The following SV2B variants were observed in gnomAD, a reference collection of about 807,000 sequenced individuals.
The protein encoded by SV2B is synaptic vesicle glycoprotein 2B.
In SV2B, 41 loss-of-function variants were observed where a neutral mutation model predicts 73.9. That is an observed-to-expected ratio of 0.56 (90% CI 0.43 to 0.72). The LOEUF is 0.72. Ranked by LOEUF, SV2B falls within the 30% of genes least tolerant of loss-of-function variation. The pLI is 0.00. For missense variants in SV2B, 764 were observed against 857.8 expected (o/e 0.89, Z 1.37); for synonymous variants, 314 against 314.2 (o/e 1.00, Z 0.01).
intron 9 of SV2B, among the ~76,000 whole-genome samples, chr15:91,278,052 C>T (rs193180193): frequency 3.9e-5 from 6 of 152,278 alleles, no homozygotes; most frequent in East Asian, 1.9e-4. Context: ...ATTTGGTTGA[C>T]GTTGGCACCA....
Position 91,241,785 on chromosome 15 carries a change from G to A in SV2B, c.452-10034G>A, listed in dbSNP as rs953261780. On this transcript the variant is annotated intron_variant, in intron 2 of 12. Transcript: ENST00000394232. The surrounding 1 kb of genome is among the most constrained non-coding windows in gnomAD (Gnocchi z 4.8). ...TTGTAATCCTTTTTCTCATCATTTT[G>A]TAACTCCTCCTCATCAATATTTATC... 1.8e-4 allele frequency among the ~76,000 whole-genome samples: 27 copies of A among 151,910 alleles called. 1 individual carries two copies. The highest frequency in any genetic ancestry group is 1.8e-3 in the Admixed American group (27 of 15,258).
intron 1 of SV2B, among the ~76,000 whole-genome samples, chr15:91,104,857 C>G (rs545565557): frequency 6.6e-6 from 1 of 152,308 alleles, no homozygotes; most frequent in Admixed American, 6.5e-5. Flanking sequence ...GTCTCAAACT[C>G]CTGACCTCAG....
intron 1 of SV2B, among the ~76,000 whole-genome samples, chr15:91,163,961 C>T (rs2043819152): frequency 6.6e-6 from 1 of 152,154 alleles, no homozygotes; most frequent in Non-Finnish European, 1.5e-5. Context: ...GGAAGGGATC[C>T]AGTTTCAGCT....
chr15:91,252,032 C>G lies in SV2B; in HGVS notation c.632+33C>G. 1.9e-6 allele frequency: 3 copies of G among 1,607,696 alleles called. No homozygotes were observed. Among genetic ancestry groups the G allele is most frequent in the Non-Finnish European group, 1.7e-6 (2 of 1,176,038 alleles). ...CTTAGGGAGGTGGAGCTGGACCATC[C>G]CAGACCAATGGCCCATCCATTCTGG... On this transcript the variant is annotated intron_variant, in intron 3 of 12. Coordinates refer to ENST00000394232, the MANE Select transcript of SV2B (RefSeq NM_001323032.3). This position sits in a 1 kb window ranked among gnomAD's most constrained non-coding sequence, Gnocchi z 4.6.
At chr15:91,276,802 G>A (rs75980358) in intron 9 of SV2B, among the ~76,000 whole-genome samples, 5,304 of 56,652 alleles carry the variant, frequency 0.094, 337 homozygotes, top group African/African-American at 0.33. Flanking sequence ...TATTATTGTT[G>A]TTGTTATTAT....
At position 91,162,467 on chromosome 15, in the gene SV2B, G is replaced by C. The variant is rs992413337; in HGVS notation, c.-392+62104G>C. On this transcript the variant is annotated intron_variant, in intron 1 of 12. Coordinates refer to ENST00000394232, the MANE Select transcript of SV2B (RefSeq NM_001323032.3). ...TTGGCTTGGAAAGCTGTATATTATT[G>C]TATTAGCTTTTTATTCTTGTGTAAC... Among the ~76,000 whole-genome samples, 6 of 152,130 alleles carry C rather than the reference G, an allele frequency of 3.9e-5. No homozygotes were observed. The East Asian group carries it at 1.2e-3, about 29-fold the overall frequency.
chr15:91,143,660 G>A (rs2043063201), intron 1 of SV2B, among the ~76,000 whole-genome samples: 1 of 151,120 alleles, frequency 6.6e-6, no homozygotes, highest in Admixed American at 6.6e-5. Context: ...CATCATTCTC[G>A]AACTGTTGTT....
Position 91,130,051 on chromosome 15 carries a change from C to T in SV2B, c.-392+29688C>T, listed in dbSNP as rs535069608. Among the ~76,000 whole-genome samples the T allele has an allele frequency of 5.9e-5, 9 of 152,236 alleles. No individual in the cohort carries two copies. In the East Asian group the frequency reaches 1.2e-3, roughly 20 times the overall value. ...GAGAGGGACGACAGGCCTGGGGCCA[C>T]GTGGGCAGCTGTGGCCAGCATGCAG... On this transcript the variant is annotated intron_variant, in intron 1 of 12. Transcript: ENST00000394232. The surrounding 1 kb of genome is among the most constrained non-coding windows in gnomAD (Gnocchi z 5.6).
In SV2B at chr15:91,283,140, G is replaced by A. The variant is rs181019249; in HGVS notation, c.1508-881G>A. ...CAGCAGCAGGGCCAGCTCCCCAAAC[G>A]CAGGTTTCTAGGGAGCCTGTTTAGT... is the stretch of plus-strand genomic sequence containing the variant. On this transcript the variant is annotated intron_variant, in intron 10 of 12. Coordinates refer to ENST00000394232, the MANE Select transcript of SV2B (RefSeq NM_001323032.3). This position sits in a 1 kb window ranked among gnomAD's most constrained non-coding sequence, Gnocchi z 4.3. Among the ~76,000 whole-genome samples, 10 of 152,336 alleles carry A rather than the reference G, an allele frequency of 6.6e-5. No homozygotes were observed. The East Asian group carries it at 9.6e-4, about 15-fold the overall frequency.
At chr15:91,152,679 G>T (rs979734199) in intron 1 of SV2B, among the ~76,000 whole-genome samples, 3 of 152,068 alleles carry the variant, frequency 2.0e-5, no homozygotes, top group Non-Finnish European at 4.4e-5. Flanking sequence ...AGTTTGGCTT[G>T]TGTTACCTTT....
chr15:91,269,983 AGTTCCCCCAAGAT>A (rs2048239517), intron 9 of SV2B, among the ~76,000 whole-genome samples: 1 of 152,194 alleles, frequency 6.6e-6, no homozygotes, highest in Non-Finnish European at 1.5e-5. Flanking sequence ...GGTGGAAGGC[AGTTCCCCCAAGAT>A]GTTTCATTGT....
intron 1 of SV2B, among the ~76,000 whole-genome samples, chr15:91,109,932 CATT>C (rs1448894677): frequency 2.0e-5 from 3 of 152,024 alleles, no homozygotes; most frequent in East Asian, 1.9e-4. Context: ...GACGAGGTCT[CATT>C]ATATTGCCCA....
chr15:91,155,374 G>A (rs2043452723), intron 1 of SV2B, among the ~76,000 whole-genome samples: 1 of 152,190 alleles, frequency 6.6e-6, no homozygotes, highest in African/African-American at 2.4e-5. Context: ...TCCCAGCTTA[G>A]CCATCTTCTC....
rs2042595741 is a variant in SV2B at position 91,130,058 on chromosome 15, A to G, written c.-392+29695A>G. Among the ~76,000 whole-genome samples the G allele has an allele frequency of 6.6e-6, 1 of 152,204 alleles. No homozygotes were observed. Among genetic ancestry groups the G allele is most frequent in the Admixed American group, 6.5e-5 (1 of 15,278 alleles). ...ACGACAGGCCTGGGGCCACGTGGGCAGCTGTGGCCAGCATGCAGGTCAGGC... is the reference window on the plus strand; with the variant it reads ...ACGACAGGCCTGGGGCCACGTGGGCGGCTGTGGCCAGCATGCAGGTCAGGC... On this transcript the variant is annotated intron_variant, in intron 1 of 12. Transcript: ENST00000394232. This position sits in a 1 kb window ranked among gnomAD's most constrained non-coding sequence, Gnocchi z 5.6.
intron 1 of SV2B, among the ~76,000 whole-genome samples, chr15:91,170,851 GT>G (rs559969293): frequency 1.0e-3 from 151 of 147,018 alleles, no homozygotes; most frequent in African/African-American, 2.3e-3. Context: ...TTGTATTTAG[GT>G]TTTTTTTTTT....
intron 1 of SV2B, among the ~76,000 whole-genome samples, chr15:91,210,788 G>A (rs1009069503): frequency 3.3e-5 from 5 of 152,334 alleles, no homozygotes; most frequent in Non-Finnish European, 5.9e-5. Flanking sequence ...AGGTTCAAAC[G>A]AACCAGAAGC....
In SV2B at chr15:91,268,634, C is replaced by T. The variant is rs1408100610; in HGVS notation, c.1373+29C>T. 7 of 1,598,888 alleles carry T rather than the reference C, an allele frequency of 4.4e-6. No homozygotes were observed. In the South Asian group the frequency reaches 4.4e-5, roughly 10 times the overall value. On this transcript the variant is annotated intron_variant, in intron 9 of 12. Transcript: ENST00000394232. The surrounding 1 kb of genome is among the most constrained non-coding windows in gnomAD (Gnocchi z 4.4). Reference sequence around the variant, plus strand: ...AGTGAGTGATCACGGGCTTCCCTCACATCAGGGTGACAGTCGTGGGGACTG... The same window carrying T: ...AGTGAGTGATCACGGGCTTCCCTCATATCAGGGTGACAGTCGTGGGGACTG...
At chr15:91,200,607 T>C (rs189717112) in intron 1 of SV2B, among the ~76,000 whole-genome samples, 6 of 152,280 alleles carry the variant, frequency 3.9e-5, no homozygotes, top group Admixed American at 1.3e-4. Context: ...TTTATTCATT[T>C]TGAATAAATA....
intron 9 of SV2B, among the ~76,000 whole-genome samples, chr15:91,278,379 C>G (rs1231815427): frequency 6.6e-6 from 1 of 151,920 alleles, no homozygotes; most frequent in Non-Finnish European, 1.5e-5. Context: ...GAAGGCCTGA[C>G]CCCTACACCT....
Sources: allele counts gnomAD v4.1 joint callset (sites outside exome capture counted in the v4.1 genomes callset), GRCh38; gene constraint gnomAD v4.1.1; non-coding constraint Gnocchi (gnomAD v3.1); transcripts MANE v1.5; gene names NCBI Gene and HGNC (gene_info 2026-07-23, HGNC 2026-07-21).